Variants in ZC3H12B observed in about 807,000 individuals in gnomAD.
The protein encoded by ZC3H12B is zinc finger CCCH-type containing 12B.
Under a neutral mutation model 43.9 loss-of-function variants are expected in ZC3H12B, and 7 were observed. The ratio of observed to expected loss-of-function variants is 0.16; its 90% CI spans 0.09 to 0.30. The LOEUF (loss-of-function observed/expected upper bound fraction) is 0.30. Ranked by LOEUF, ZC3H12B falls within the 10% of genes least tolerant of loss-of-function variation. ZC3H12B has a pLI of 1.00. For synonymous variants in ZC3H12B, 222 were observed against 241.7 expected, an observed-to-expected ratio of 0.92 and a Z score of 0.76; for missense variants, 475 against 670.2, an observed-to-expected ratio of 0.71 and a Z score of 3.22.
chrX:65,214,140 G>T, the ZC3H12B span, among the ~76,000 whole-genome samples: 4 of 111,091 alleles, frequency 3.6e-5, no homozygotes, highest in Non-Finnish European at 7.5e-5. Flanking sequence ...TACTGGTGGT[G>T]GGTCCATCCT....
the ZC3H12B span, among the ~76,000 whole-genome samples, chrX:65,150,880 A>C: frequency 9.0e-6 from 1 of 111,167 alleles, no homozygotes; most frequent in East Asian, 2.8e-4. Flanking sequence ...CTGGCTGCAA[A>C]GTGGCTATGT....
chrX:65,130,118 G>A, the ZC3H12B span, among the ~76,000 whole-genome samples: 23 of 111,439 alleles, frequency 2.1e-4, no homozygotes, highest in South Asian at 7.6e-4. Flanking sequence ...GGGCTCTATC[G>A]TTGACAGAGT....
the ZC3H12B span, among the ~76,000 whole-genome samples, chrX:65,171,026 G>A: frequency 8.9e-6 from 1 of 112,004 alleles, no homozygotes; most frequent in Non-Finnish European, 1.9e-5. Flanking sequence ...ATTGTGTGAA[G>A]CCTTCTTCTC....
the ZC3H12B span, among the ~76,000 whole-genome samples, chrX:65,212,690 A>G: frequency 7.6e-5 from 7 of 91,738 alleles, no homozygotes; most frequent in East Asian, 1.9e-3. Context: ...TATATCATAT[A>G]TAAATATATA....
chrX:65,293,885 G>A, the ZC3H12B span, among the ~76,000 whole-genome samples: 1 of 111,626 alleles, frequency 9.0e-6, no homozygotes, highest in African/African-American at 3.2e-5. Context: ...AGAATAATTG[G>A]TGTTCCCAAG....
intron 3 of ZC3H12B, among the ~76,000 whole-genome samples, chrX:65,476,360 T>C (rs1192733167): frequency 2.7e-5 from 3 of 112,176 alleles, no homozygotes; most frequent in Non-Finnish European, 5.6e-5. Context: ...CACAGATTCT[T>C]CTACTTGATC....
the ZC3H12B span, among the ~76,000 whole-genome samples, chrX:65,274,332 G>A: frequency 9.0e-6 from 1 of 110,951 alleles, no homozygotes; most frequent in East Asian, 2.9e-4. Flanking sequence ...AGCTGCAGCA[G>A]CTCAGCACCA....
the ZC3H12B span, among the ~76,000 whole-genome samples, chrX:65,202,104 A>C: frequency 1.9e-3 from 129 of 68,652 alleles, 11 homozygotes; most frequent in African/African-American, 0.029. Flanking sequence ...TATATATTTT[A>C]TATAATATAT....
the ZC3H12B span, among the ~76,000 whole-genome samples, chrX:65,083,017 T>G: frequency 5.5e-5 from 6 of 109,996 alleles, no homozygotes; most frequent in South Asian, 1.5e-3. Context: ...AAACATATGG[T>G]CATTTCAGTT....
intron 1 of ZC3H12B, 25 bp from the exon 7 acceptor site, chrX:65,497,107 T>C (rs1325140286): frequency 8.5e-7 from 1 of 1,182,030 alleles, no homozygotes; most frequent in Non-Finnish European, 1.1e-6. Flanking sequence ...CAATCTTCTC[T>C]CCTCTTATTC....
the ZC3H12B span, among the ~76,000 whole-genome samples, chrX:65,220,182 G>A: frequency 9.0e-6 from 1 of 111,506 alleles, no homozygotes; most frequent in Non-Finnish European, 1.9e-5. Flanking sequence ...AGCCAGCACT[G>A]CAGAACCTGC....
chrX:65,295,019 A>G, the ZC3H12B span, among the ~76,000 whole-genome samples: 4 of 111,403 alleles, frequency 3.6e-5, no homozygotes, highest in African/African-American at 1.3e-4. Context: ...ACTGATATTT[A>G]CAGAACATTC....
the ZC3H12B span, among the ~76,000 whole-genome samples, chrX:65,177,229 C>A: frequency 8.9e-6 from 1 of 111,937 alleles, no homozygotes; most frequent in East Asian, 2.8e-4. Flanking sequence ...TATTGAGCAC[C>A]TCTTTATGCT....
At chrX:65,176,162 C>A in the ZC3H12B span, among the ~76,000 whole-genome samples, 1 of 111,982 alleles carries the variant, frequency 8.9e-6, no homozygotes, top group Admixed American at 9.5e-5. Context: ...GCTGCCAGGA[C>A]AGCAGTCTGA....
chrX:65,404,624 G>T (rs1200036998), intron 3 of ZC3H12B, among the ~76,000 whole-genome samples: 1 of 111,494 alleles, frequency 9.0e-6, no homozygotes, highest in Non-Finnish European at 1.9e-5. Flanking sequence ...ACTATATAAT[G>T]ATAAAGGGGT....
At chrX:65,211,699 A>C in the ZC3H12B span, among the ~76,000 whole-genome samples, 2 of 88,978 alleles carry the variant, frequency 2.2e-5, no homozygotes, top group African/African-American at 4.1e-5. Context: ...AATATTATAT[A>C]ATATATAATA....
the ZC3H12B span, among the ~76,000 whole-genome samples, chrX:65,262,804 T>C: frequency 9.0e-6 from 1 of 110,808 alleles, no homozygotes; most frequent in Non-Finnish European, 1.9e-5. Flanking sequence ...GCATTGTTAT[T>C]TTTATTCAGT....
the ZC3H12B span, among the ~76,000 whole-genome samples, chrX:65,119,464 G>T: frequency 4.2e-4 from 47 of 111,856 alleles, no homozygotes; most frequent in Non-Finnish European, 6.8e-4. Context: ...AGAAGTGTCC[G>T]TTCATATCCT....
At chrX:65,330,632 C>G in the ZC3H12B span, among the ~76,000 whole-genome samples, 1 of 111,523 alleles carries the variant, frequency 9.0e-6, no homozygotes, top group African/African-American at 3.3e-5. Context: ...TGAATTTTGT[C>G]AAAGGCCTTT....
Sources: allele counts gnomAD v4.1 joint callset (sites outside exome capture counted in the v4.1 genomes callset), GRCh38; gene constraint gnomAD v4.1.1; transcripts MANE v1.5; gene names NCBI Gene and HGNC (gene_info 2026-07-23, HGNC 2026-07-21).